DPP10: variants seen among roughly 807,000 people sequenced by gnomAD.
DPP10 encodes the protein inactive dipeptidyl peptidase 10.
A neutral mutation model predicts 120.9 loss-of-function variants in DPP10; 33 were observed. That is an observed-to-expected ratio of 0.27 (90% CI 0.21 to 0.37). The LOEUF is 0.37. DPP10 is among the 10% of genes least tolerant of loss of function. The probability of loss-of-function intolerance (pLI) is 1.00; values close to 1 mark genes in which losing one functional copy is unlikely to be tolerated. For synonymous variants in DPP10, 337 were observed against 326.1 expected, an observed-to-expected ratio of 1.03 and a Z score of -0.36; for missense variants, 816 against 942.8, an observed-to-expected ratio of 0.87 and a Z score of 1.76.
intron 1 of DPP10, among the ~76,000 whole-genome samples, chr2:114,733,950 ATT>A (rs1318583657): frequency 6.6e-6 from 1 of 152,020 alleles, no homozygotes; most frequent in Non-Finnish European, 1.5e-5. Context: ...CTAAGCTCTG[ATT>A]TTTTTATTTG....
chr2:115,106,157 ATTC>A (rs994257704), intron 1 of DPP10, among the ~76,000 whole-genome samples: 1 of 152,170 alleles, frequency 6.6e-6, no homozygotes, highest in African/African-American at 2.4e-5. Context: ...CTGCTTTGCT[ATTC>A]TTCTTGTCAA....
At chr2:115,237,930 A>C (rs1012429038) in intron 1 of DPP10, among the ~76,000 whole-genome samples, 1 of 152,212 alleles carries the variant, frequency 6.6e-6, no homozygotes, top group Non-Finnish European at 1.5e-5. Context: ...GTGCAAGCTG[A>C]AGCAGCAAGT....
intron 1 of DPP10, among the ~76,000 whole-genome samples, chr2:114,518,951 C>A: frequency 6.6e-6 from 1 of 152,210 alleles, no homozygotes; most frequent in Admixed American, 6.5e-5. Context: ...GAGCCCTGAG[C>A]GACTCCAGTT....
chr2:114,495,305 G>A (rs944872182), intron 1 of DPP10, among the ~76,000 whole-genome samples: 3 of 152,104 alleles, frequency 2.0e-5, no homozygotes, highest in African/African-American at 7.2e-5. Flanking sequence ...CTTTAAGAGT[G>A]CCTTTAAAAG....
At chr2:114,797,909 T>A (rs562060483) in intron 1 of DPP10, among the ~76,000 whole-genome samples, 24 of 152,180 alleles carry the variant, frequency 1.6e-4, no homozygotes, top group Non-Finnish European at 3.2e-4. Context: ...ACTAGGTAAA[T>A]ACTACCTTAA....
intron 1 of DPP10, among the ~76,000 whole-genome samples, chr2:115,001,878 G>A (rs1422032000): frequency 5.3e-5 from 8 of 152,038 alleles, no homozygotes; most frequent in Non-Finnish European, 1.0e-4. Flanking sequence ...AAAGAAATCA[G>A]AGATGACACA....
At chr2:114,633,906 A>C (rs1410554367) in intron 1 of DPP10, among the ~76,000 whole-genome samples, 1 of 151,798 alleles carries the variant, frequency 6.6e-6, no homozygotes, top group African/African-American at 2.4e-5. Flanking sequence ...TGAGCTGCCA[A>C]GCCCGGCCTT....
intron 4 of DPP10, among the ~76,000 whole-genome samples, chr2:115,521,106 A>C (rs1037841493): frequency 2.0e-5 from 3 of 152,218 alleles, no homozygotes; most frequent in Non-Finnish European, 2.9e-5. Flanking sequence ...AATTTGAGTA[A>C]GGAAAAGGGA....
At chr2:115,778,687 T>G (rs1682407667) in intron 15 of DPP10, among the ~76,000 whole-genome samples, 1 of 152,124 alleles carries the variant, frequency 6.6e-6, no homozygotes, top group Non-Finnish European at 1.5e-5. Flanking sequence ...GTACTGACTT[T>G]CCTTTGAGAG....
chr2:114,826,453 T>G (rs1367188254), intron 1 of DPP10, among the ~76,000 whole-genome samples: 1 of 152,176 alleles, frequency 6.6e-6, no homozygotes. Context: ...ACTGGCAAAT[T>G]AAAAGCATAA....
intron 1 of DPP10, among the ~76,000 whole-genome samples, chr2:115,301,087 T>G (rs766337165): frequency 1.2e-4 from 18 of 152,010 alleles, no homozygotes; most frequent in Non-Finnish European, 7.4e-5. Context: ...AATTTCCCCA[T>G]AGACGGGGCT....
intron 1 of DPP10, among the ~76,000 whole-genome samples, chr2:114,942,954 G>T (rs1697071468): frequency 6.6e-6 from 1 of 152,034 alleles, no homozygotes; most frequent in South Asian, 2.1e-4. Context: ...GAACATGCAG[G>T]TTTCTTACAT....
At chr2:115,069,108 T>G (rs1190173111) in intron 1 of DPP10, among the ~76,000 whole-genome samples, 1 of 152,138 alleles carries the variant, frequency 6.6e-6, no homozygotes, top group African/African-American at 2.4e-5. Context: ...CATTGGATTT[T>G]TATGGGGCTT....
At chr2:114,588,398 G>C (rs914738129) in intron 1 of DPP10, among the ~76,000 whole-genome samples, 2 of 152,190 alleles carry the variant, frequency 1.3e-5, no homozygotes, top group Non-Finnish European at 2.9e-5. Context: ...ATAAGGAGAG[G>C]CTTAGGGCAA....
intron 5 of DPP10, among the ~76,000 whole-genome samples, chr2:115,687,325 T>A (rs2091044890): frequency 6.6e-6 from 1 of 152,054 alleles, no homozygotes; most frequent in East Asian, 1.9e-4. Flanking sequence ...TTTTTCTTAT[T>A]GAAAGTTAAA....
chr2:114,648,389 A>T (rs1156804411), intron 1 of DPP10, among the ~76,000 whole-genome samples: 1 of 152,086 alleles, frequency 6.6e-6, no homozygotes, highest in East Asian at 1.9e-4. Flanking sequence ...TCTTTTTTGG[A>T]GCCTTAGCCT....
intron 1 of DPP10, among the ~76,000 whole-genome samples, chr2:114,647,150 G>T (rs778579839): frequency 6.6e-6 from 1 of 152,202 alleles, no homozygotes; most frequent in Admixed American, 6.5e-5. Context: ...CCAAATTAGC[G>T]AGAGCAGCTC....
intron 19 of DPP10, among the ~76,000 whole-genome samples, chr2:115,800,669 C>A (rs890085916): frequency 6.6e-6 from 1 of 152,104 alleles, no homozygotes; most frequent in Non-Finnish European, 1.5e-5. Context: ...GCCAGTTTTC[C>A]CAGCATCATT....
At chr2:114,992,506 C>T (rs1700807000) in intron 1 of DPP10, among the ~76,000 whole-genome samples, 1 of 152,198 alleles carries the variant, frequency 6.6e-6, no homozygotes, top group Non-Finnish European at 1.5e-5. Flanking sequence ...TGGTTTATTA[C>T]TTCCAATCAG....
Sources: gnomAD v4.1 joint callset for allele counts (sites outside exome capture counted in the v4.1 genomes callset) on GRCh38, gnomAD v4.1.1 for gene constraint, MANE v1.5 for transcripts, NCBI Gene and HGNC (gene_info 2026-07-23, HGNC 2026-07-21) for gene names.